Variants in RCAN2 observed in about 807,000 individuals in gnomAD.
RCAN2 encodes the protein regulator of calcineurin 2.
Under a neutral mutation model 23.6 loss-of-function variants are expected in RCAN2, and 9 were observed. That is an observed-to-expected ratio of 0.38 (90% CI 0.23 to 0.67). The LOEUF is 0.67. RCAN2 is among the 30% of genes least tolerant of loss of function. RCAN2 has a pLI of 0.51. For synonymous variants in RCAN2, 109 were observed against 115.7 expected (o/e 0.94, Z 0.37); for missense variants, 273 against 302.3 (o/e 0.90, Z 0.72).
At chr6:46,339,145 T>C (rs1764229632) in intron 2 of RCAN2, among the ~76,000 whole-genome samples, 1 of 151,556 alleles carries the variant, frequency 6.6e-6, no homozygotes, top group African/African-American at 2.4e-5. Flanking sequence ...ATGTTCCCAG[T>C]ATCAACCTAG....
intron 1 of RCAN2, among the ~76,000 whole-genome samples, chr6:46,479,686 A>C (rs1011953363): frequency 6.7e-6 from 1 of 148,600 alleles, no homozygotes; most frequent in Non-Finnish European, 1.5e-5. Context: ...GGGTTCAAGC[A>C]ATTCTCCTGC....
chr6:46,321,392 T>C lies in RCAN2; in HGVS notation c.226-72496A>G, dbSNP rs184706607. On this transcript the variant is annotated intron_variant, in intron 2 of 4. Transcript: ENST00000371374. The stretch of plus-strand genomic sequence containing the variant: ...AGAGCATTGCCTGGTAGGTAATAAA[T>C]GCTCCACACATGTTTTTGAATGAAT... 2.0e-5 allele frequency among the ~76,000 whole-genome samples: 3 copies of C among 152,342 alleles called. No individual in the cohort carries two copies. The East Asian group carries it at 5.8e-4, about 29-fold the overall frequency.
At chr6:46,388,794 G>C (rs1012491254) in intron 2 of RCAN2, among the ~76,000 whole-genome samples, 1 of 152,124 alleles carries the variant, frequency 6.6e-6, no homozygotes, top group Non-Finnish European at 1.5e-5. Flanking sequence ...ACCGGGGCCT[G>C]TGTTGGGGAG....
chr6:46,371,814 C>T (rs1432849620), intron 2 of RCAN2, among the ~76,000 whole-genome samples: 4 of 152,156 alleles, frequency 2.6e-5, no homozygotes, highest in African/African-American at 4.8e-5. Context: ...GAAAGGAGAT[C>T]GAAGGGTGGG....
intron 2 of RCAN2, among the ~76,000 whole-genome samples, chr6:46,301,116 T>G (rs895610729): frequency 2.5e-4 from 38 of 152,086 alleles, no homozygotes; most frequent in African/African-American, 9.2e-4. Flanking sequence ...CCAACACTAG[T>G]GCTAAAATAG....
At chr6:46,423,338 T>A (rs775074455) in intron 2 of RCAN2, among the ~76,000 whole-genome samples, 1 of 152,214 alleles carries the variant, frequency 6.6e-6, no homozygotes, top group East Asian at 1.9e-4. Flanking sequence ...GGACTCTAGA[T>A]GGCCAATCCT....
chr6:46,386,285 C>T (rs1182194758), intron 2 of RCAN2, among the ~76,000 whole-genome samples: 1 of 151,928 alleles, frequency 6.6e-6, no homozygotes, highest in Non-Finnish European at 1.5e-5. Context: ...CATCACTGAT[C>T]ATTAGAGAAA....
At chr6:46,327,457 T>TGGAGCCTGAAGTATACAAGGCAGCC (rs1763829399) in intron 2 of RCAN2, among the ~76,000 whole-genome samples, 1 of 152,218 alleles carries the variant, frequency 6.6e-6, no homozygotes, top group Non-Finnish European at 1.5e-5. Flanking sequence ...TAAATCTGGC[T>TGGAGCCTGAAGTATACAAGGCAGCC]GGAGCCTGAA....
At position 46,291,658 on chromosome 6, in the gene RCAN2, A is replaced by G. The variant is rs1762566752; in HGVS notation, c.226-42762T>C. 2.0e-5 allele frequency among the ~76,000 whole-genome samples: 3 copies of G among 150,406 alleles called. No individual in the cohort carries two copies. In the South Asian group the frequency reaches 6.3e-4, roughly 32 times the overall value. ...TTACATTCTTTTTTTTTTTTTCCCC[A>G]CAGACAAGATCACCCTTACTTAGGA... On this transcript the variant is annotated intron_variant, in intron 2 of 4. Coordinates refer to ENST00000371374, the MANE Select transcript of RCAN2 (RefSeq NM_001251974.2).
At chr6:46,370,544 C>G (rs1200590247) in intron 2 of RCAN2, among the ~76,000 whole-genome samples, 1 of 152,174 alleles carries the variant, frequency 6.6e-6, no homozygotes, top group East Asian at 1.9e-4. Context: ...TTCCGTGTGA[C>G]TTCTGCTTCC....
chr6:46,231,935 T>C (rs1765908375), intron 4 of RCAN2, among the ~76,000 whole-genome samples: 1 of 152,152 alleles, frequency 6.6e-6, no homozygotes, highest in Non-Finnish European at 1.5e-5. Context: ...TACAGAGAAA[T>C]AGAACCAGCC....
At chr6:46,386,907 T>C (rs1470648086) in intron 2 of RCAN2, among the ~76,000 whole-genome samples, 5 of 152,098 alleles carry the variant, frequency 3.3e-5, no homozygotes, top group Non-Finnish European at 7.4e-5. Flanking sequence ...AACAGAGATA[T>C]AGACCAATGG....
chr6:46,469,729 A>G (rs187742790), intron 1 of RCAN2, among the ~76,000 whole-genome samples: 3 of 152,282 alleles, frequency 2.0e-5, no homozygotes, highest in Non-Finnish European at 4.4e-5. Context: ...GTCCCCTCCT[A>G]AATGTAGGTG....
At chr6:46,263,157 A>G (rs1459509830) in intron 2 of RCAN2, among the ~76,000 whole-genome samples, 1 of 152,214 alleles carries the variant, frequency 6.6e-6, no homozygotes, top group Non-Finnish European at 1.5e-5. Context: ...GAAATGAACC[A>G]GACAATGTTG....
chr6:46,235,181 C>T (rs1394113879), intron 4 of RCAN2, among the ~76,000 whole-genome samples: 1 of 152,110 alleles, frequency 6.6e-6, no homozygotes, highest in East Asian at 1.9e-4. Context: ...TGAAACAGAG[C>T]TACATGTCTA....
chr6:46,316,287 A>C (rs73735749), intron 2 of RCAN2, among the ~76,000 whole-genome samples: 2 of 152,202 alleles, frequency 1.3e-5, no homozygotes, highest in African/African-American at 4.8e-5. Context: ...AGTGTTTTAC[A>C]TACTCTAATG....
chr6:46,419,411 C>T (rs1480255477), intron 2 of RCAN2, among the ~76,000 whole-genome samples: 2 of 152,180 alleles, frequency 1.3e-5, no homozygotes, highest in East Asian at 3.9e-4. Flanking sequence ...TCTTCCTCAT[C>T]CACACACAGA....
rs543582515 is a variant in RCAN2, at chr6:46,468,616, T to C, written c.-2-11638A>G. Among the ~76,000 whole-genome samples, 10 of 152,352 alleles carry C rather than the reference T, an allele frequency of 6.6e-5. 1 individual carries two copies. The East Asian group carries it at 1.5e-3, about 24-fold the overall frequency. ...AAGCAAACCCATTTATTGACGTTTTTACATCTCCTTCCATATGTTGAGCAT... is the reference window on the plus strand; with the variant it reads ...AAGCAAACCCATTTATTGACGTTTTCACATCTCCTTCCATATGTTGAGCAT... On this transcript the variant is annotated intron_variant, in intron 1 of 4. Coordinates refer to ENST00000371374, the MANE Select transcript of RCAN2 (RefSeq NM_001251974.2).
At chr6:46,282,854 C>T (rs1762248095) in intron 2 of RCAN2, among the ~76,000 whole-genome samples, 1 of 152,200 alleles carries the variant, frequency 6.6e-6, no homozygotes, top group Non-Finnish European at 1.5e-5. Context: ...GTTCTGGCCC[C>T]AAGTCAAATC....
Sources: gnomAD v4.1 joint callset for allele counts (sites outside exome capture counted in the v4.1 genomes callset) on GRCh38, gnomAD v4.1.1 for gene constraint, MANE v1.5 for transcripts, NCBI Gene and HGNC (gene_info 2026-07-23, HGNC 2026-07-21) for gene names.